The following TMEM178B variants were observed in gnomAD, a reference collection of about 807,000 sequenced individuals.
TMEM178B encodes transmembrane protein 178B.
Under a neutral mutation model 31.0 loss-of-function variants are expected in TMEM178B, and 5 were observed. That is an observed-to-expected ratio of 0.16 (90% CI 0.08 to 0.34). The LOEUF is 0.34. TMEM178B is among the 10% of genes least tolerant of loss of function. The probability of loss-of-function intolerance (pLI) is 1.00; values close to 1 mark genes in which losing one functional copy is unlikely to be tolerated. For missense variants in TMEM178B, 275 were observed against 400.3 expected (o/e 0.69, Z 2.67); for synonymous variants, 164 against 164.0 (o/e 1.00, Z 0.00).
chr7:141,431,530 C>T lies in TMEM178B; in HGVS notation c.497-6078C>T, dbSNP rs191774509. Among the ~76,000 whole-genome samples the T allele has an allele frequency of 5.0e-4, 76 of 152,296 alleles. 1 individual carries two copies. The highest frequency in any genetic ancestry group is 2.5e-4 in the Non-Finnish European group (17 of 68,032). ...CAACAAAGCATAAACGCACCTTTCT[C>T]ATTTCAAAAATTAGAATGTTAAACA... On this transcript the variant is annotated intron_variant, in intron 2 of 3. Coordinates refer to ENST00000565468, the MANE Select transcript of TMEM178B (RefSeq NM_001195278.2).
intron 1 of TMEM178B, among the ~76,000 whole-genome samples, chr7:141,077,960 G>C (rs1432104822): frequency 6.6e-6 from 1 of 152,042 alleles, no homozygotes; most frequent in Non-Finnish European, 1.5e-5. Flanking sequence ...TATCACTTGT[G>C]GACATTATTT....
chr7:141,382,663 C>T (rs573304354), intron 2 of TMEM178B, among the ~76,000 whole-genome samples: 2 of 152,232 alleles, frequency 1.3e-5, no homozygotes, highest in Admixed American at 1.3e-4. Context: ...CTTTAGTGGA[C>T]TGTATTTCAC....
intron 2 of TMEM178B, among the ~76,000 whole-genome samples, chr7:141,233,711 A>T (rs1284583018): frequency 6.6e-6 from 1 of 152,194 alleles, no homozygotes; most frequent in Admixed American, 6.5e-5. Flanking sequence ...TGGTCAAAAG[A>T]AGGTTGAGAG....
At chr7:141,359,869 G>A (rs1242585158) in intron 2 of TMEM178B, among the ~76,000 whole-genome samples, 2 of 152,180 alleles carry the variant, frequency 1.3e-5, no homozygotes, top group African/African-American at 2.4e-5. Flanking sequence ...TCACAGTTAT[G>A]ATGAAAGGCG....
intron 2 of TMEM178B, among the ~76,000 whole-genome samples, chr7:141,237,429 G>A (rs1797545176): frequency 6.6e-6 from 1 of 152,092 alleles, no homozygotes; most frequent in African/African-American, 2.4e-5. Flanking sequence ...CATTTGCGCA[G>A]AATTTTTAGA....
intron 2 of TMEM178B, among the ~76,000 whole-genome samples, chr7:141,227,208 A>G (rs981694712): frequency 5.9e-5 from 9 of 152,248 alleles, no homozygotes; most frequent in Non-Finnish European, 1.0e-4. Flanking sequence ...TTTTGGCTGC[A>G]TCCAGAGGAG....
At chr7:141,302,353 A>G (rs1389674437) in intron 2 of TMEM178B, among the ~76,000 whole-genome samples, 1 of 152,242 alleles carries the variant, frequency 6.6e-6, no homozygotes, top group Non-Finnish European at 1.5e-5. Context: ...CAAATATTGT[A>G]TGATTCCAAT....
chr7:141,430,887 C>T (rs566561390), intron 2 of TMEM178B, among the ~76,000 whole-genome samples: 22 of 152,232 alleles, frequency 1.4e-4, no homozygotes, highest in African/African-American at 4.6e-4. Flanking sequence ...TTGATTAATT[C>T]GTGAATGAAT....
At chr7:141,129,095 G>T (rs118127201) in intron 1 of TMEM178B, among the ~76,000 whole-genome samples, 2 of 152,182 alleles carry the variant, frequency 1.3e-5, no homozygotes, top group South Asian at 4.1e-4. Flanking sequence ...AGGATAGTGG[G>T]TTACATGGCT....
chr7:141,257,641 T>G (rs1797949083), intron 2 of TMEM178B, among the ~76,000 whole-genome samples: 1 of 152,178 alleles, frequency 6.6e-6, no homozygotes, highest in Admixed American at 6.5e-5. Context: ...TCTTGATATG[T>G]GTGCTGTAAG....
At chr7:141,384,077 C>T (rs901805086) in intron 2 of TMEM178B, among the ~76,000 whole-genome samples, 1 of 152,006 alleles carries the variant, frequency 6.6e-6, no homozygotes, top group African/African-American at 2.4e-5. Flanking sequence ...TTGTTTTTTT[C>T]CTGTATATTT....
intron 1 of TMEM178B, among the ~76,000 whole-genome samples, chr7:141,096,598 G>A (rs781564445): frequency 2.0e-5 from 3 of 152,164 alleles, no homozygotes; most frequent in Non-Finnish European, 1.5e-5. Flanking sequence ...CCTAGAAGGC[G>A]GTGTAACCAG....
At chr7:141,219,569 G>T (rs369317428) in intron 2 of TMEM178B, among the ~76,000 whole-genome samples, 15 of 152,130 alleles carry the variant, frequency 9.9e-5, no homozygotes, top group African/African-American at 3.1e-4. Flanking sequence ...TGTCATCATA[G>T]GTTGCCTTGA....
At chr7:141,391,010 C>T (rs10239170) in intron 2 of TMEM178B, among the ~76,000 whole-genome samples, 16,742 of 152,018 alleles carry the variant, frequency 0.11, 1,101 homozygotes, top group African/African-American at 0.17. Flanking sequence ...AAAGTGAATG[C>T]GATTTGACAG....
At chr7:141,107,300 C>A (rs113001762) in intron 1 of TMEM178B, among the ~76,000 whole-genome samples, 108 of 152,268 alleles carry the variant, frequency 7.1e-4, no homozygotes, top group Non-Finnish European at 4.6e-4. Context: ...CCATTTTGAG[C>A]AGACCAGTGA....
At chr7:141,354,322 T>G (rs114156776) in intron 2 of TMEM178B, among the ~76,000 whole-genome samples, 1 of 152,372 alleles carries the variant, frequency 6.6e-6, no homozygotes, top group African/African-American at 2.4e-5. Context: ...GTTAAAGAAC[T>G]TATGTATCAG....
At chr7:141,127,319 G>A (rs1469078280) in intron 1 of TMEM178B, among the ~76,000 whole-genome samples, 2 of 152,180 alleles carry the variant, frequency 1.3e-5, no homozygotes, top group Non-Finnish European at 2.9e-5. Context: ...TGTCTAAAAA[G>A]TTATGTTCAT....
intron 2 of TMEM178B, among the ~76,000 whole-genome samples, chr7:141,435,949 C>T (rs951768207): frequency 3.9e-5 from 6 of 152,142 alleles, no homozygotes; most frequent in African/African-American, 1.2e-4. Flanking sequence ...CCTCTGTAGG[C>T]CCCTCCTCAC....
At chr7:141,402,618 T>A (rs1283723128) in intron 2 of TMEM178B, among the ~76,000 whole-genome samples, 1 of 152,054 alleles carries the variant, frequency 6.6e-6, no homozygotes, top group Non-Finnish European at 1.5e-5. Flanking sequence ...GGGAGAGAAG[T>A]GAATTTATGG....
Sources: allele counts gnomAD v4.1 joint callset (sites outside exome capture counted in the v4.1 genomes callset), GRCh38; gene constraint gnomAD v4.1.1; transcripts MANE v1.5; gene names NCBI Gene and HGNC (gene_info 2026-07-23, HGNC 2026-07-21).